CAMK1D: variants seen among roughly 807,000 people sequenced by gnomAD.
CAMK1D encodes calcium/calmodulin dependent protein kinase ID.
In CAMK1D, 9 loss-of-function variants were observed where a neutral mutation model predicts 47.7. The ratio of observed to expected loss-of-function variants is 0.19; its 90% CI spans 0.11 to 0.33. The LOEUF is 0.33. CAMK1D is among the 10% of genes least tolerant of loss of function. CAMK1D has a pLI of 1.00. For missense variants in CAMK1D, 291 were observed against 488.7 expected, an observed-to-expected ratio of 0.60 and a Z score of 3.81; for synonymous variants, 184 against 184.9, an observed-to-expected ratio of 0.99 and a Z score of 0.04.
intron 2 of CAMK1D, among the ~76,000 whole-genome samples, chr10:12,616,534 T>C (rs751632117): frequency 1.4e-5 from 2 of 145,134 alleles, no homozygotes; most frequent in Non-Finnish European, 3.1e-5. Flanking sequence ...GTTGTTGTTT[T>C]TGAGACGGAG....
At chr10:12,734,234 A>G (rs1407011058) in intron 3 of CAMK1D, among the ~76,000 whole-genome samples, 1 of 147,744 alleles carries the variant, frequency 6.8e-6, no homozygotes, top group Non-Finnish European at 1.5e-5. Context: ...AAACAGGAGA[A>G]TCGCTTGAAC....
At chr10:12,559,678 T>A (rs1588632255) in intron 2 of CAMK1D, among the ~76,000 whole-genome samples, 1 of 152,116 alleles carries the variant, frequency 6.6e-6, no homozygotes, top group Admixed American at 6.5e-5. Flanking sequence ...GAGTCCATCA[T>A]CCCATCATTG....
At chr10:12,476,067 G>T (rs940709286) in intron 1 of CAMK1D, among the ~76,000 whole-genome samples, 3 of 152,018 alleles carry the variant, frequency 2.0e-5, no homozygotes, top group African/African-American at 7.3e-5. Flanking sequence ...CCGAGGGGGG[G>T]CGGATCACGA....
intron 1 of CAMK1D, among the ~76,000 whole-genome samples, chr10:12,443,630 A>T (rs1001073503): frequency 4.1e-5 from 6 of 148,092 alleles, no homozygotes; most frequent in East Asian, 2.0e-4. Flanking sequence ...ATTTTATTTT[A>T]TTTTTTTTTT....
At chr10:12,732,412 C>A (rs1405602505) in intron 3 of CAMK1D, among the ~76,000 whole-genome samples, 1 of 152,060 alleles carries the variant, frequency 6.6e-6, no homozygotes, top group Non-Finnish European at 1.5e-5. Flanking sequence ...ATTATTAGTC[C>A]ATTTTCACGC....
chr10:12,792,151 T>C (rs1258665776), intron 6 of CAMK1D, among the ~76,000 whole-genome samples: 1 of 152,136 alleles, frequency 6.6e-6, no homozygotes, highest in Non-Finnish European at 1.5e-5. Flanking sequence ...AAAGAAATCA[T>C]AATGAGAAAA....
At chr10:12,562,396 C>G (rs1226558082) in intron 2 of CAMK1D, among the ~76,000 whole-genome samples, 1 of 152,216 alleles carries the variant, frequency 6.6e-6, no homozygotes, top group Non-Finnish European at 1.5e-5. Flanking sequence ...TGTTGGAGGA[C>G]ACGCTCAAAG....
chr10:12,553,428 G>A (rs1077745), intron 2 of CAMK1D, 72 bp downstream of exon 2: 243,683 of 1,316,888 alleles, frequency 0.19, 23,703 homozygotes, highest in Admixed American at 0.28. Context: ...GTCCTGCCCC[G>A]GAGGCAGACT....
At chr10:12,820,636 G>A (rs958165758) in intron 8 of CAMK1D, among the ~76,000 whole-genome samples, 3 of 152,168 alleles carry the variant, frequency 2.0e-5, no homozygotes, top group Admixed American at 1.3e-4. Context: ...GGCCACCGAG[G>A]GCGAGGGAGG....
intron 1 of CAMK1D, among the ~76,000 whole-genome samples, chr10:12,450,331 G>A (rs1833047796): frequency 6.6e-6 from 1 of 152,156 alleles, no homozygotes; most frequent in South Asian, 2.1e-4. Flanking sequence ...CTTCGTGTGG[G>A]GAATGAGGAG....
At chr10:12,687,183 C>G (rs1371502223) in intron 3 of CAMK1D, among the ~76,000 whole-genome samples, 1 of 151,910 alleles carries the variant, frequency 6.6e-6, no homozygotes, top group African/African-American at 2.4e-5. Flanking sequence ...CGTACTGAGC[C>G]CTTAATGACT....
chr10:12,521,842 T>C (rs1014950445), intron 1 of CAMK1D, among the ~76,000 whole-genome samples: 8 of 152,130 alleles, frequency 5.3e-5, no homozygotes, highest in Non-Finnish European at 1.0e-4. Context: ...GACAATCCTC[T>C]TTTTCATGGA....
intron 1 of CAMK1D, among the ~76,000 whole-genome samples, chr10:12,388,402 C>T (rs1838599593): frequency 6.6e-6 from 1 of 152,166 alleles, no homozygotes; most frequent in Non-Finnish European, 1.5e-5. Flanking sequence ...CAGCTTTTCC[C>T]CCAGACTCCA....
At chr10:12,558,724 C>T (rs939254485) in intron 2 of CAMK1D, among the ~76,000 whole-genome samples, 4 of 152,172 alleles carry the variant, frequency 2.6e-5, no homozygotes, top group African/African-American at 9.6e-5. Flanking sequence ...TGGAGCAGCC[C>T]ATTTACTAAT....
chr10:12,700,345 A>G (rs1311173373), intron 3 of CAMK1D, among the ~76,000 whole-genome samples: 1 of 152,094 alleles, frequency 6.6e-6, no homozygotes, highest in Admixed American at 6.6e-5. Context: ...TGGTGGGAGG[A>G]AGGAGAAGTG....
In CAMK1D at chr10:12,429,806, G is replaced by A. The variant is rs75378793; in HGVS notation, c.92+79896G>A. Among the ~76,000 whole-genome samples, 36 of 152,314 alleles carry A rather than the reference G, an allele frequency of 2.4e-4. No individual in the cohort carries two copies. In the East Asian group the frequency reaches 5.6e-3, roughly 24 times the overall value. ...GCCTGTGGGAGATGGGCCCAGGGAAGTTGCTGTGTGCAGCTGCACTCCACG... is the reference window on the plus strand; with the variant it reads ...GCCTGTGGGAGATGGGCCCAGGGAAATTGCTGTGTGCAGCTGCACTCCACG... On this transcript the variant is annotated intron_variant, in intron 1 of 10. Coordinates refer to ENST00000619168, the MANE Select transcript of CAMK1D (RefSeq NM_153498.4).
intron 3 of CAMK1D, among the ~76,000 whole-genome samples, chr10:12,734,405 T>TACAC (rs1227273818): frequency 4.3e-5 from 1 of 23,204 alleles, no homozygotes; most frequent in African/African-American, 1.1e-4. Context: ...TATATATATA[T>TACAC]ACACACACAC....
chr10:12,553,220 C>T lies in CAMK1D; in HGVS notation c.93-5C>T. 6.2e-7 allele frequency: 1 copy of T among 1,613,364 alleles called. No individual in the cohort carries two copies. Among genetic ancestry groups the T allele is most frequent in the Non-Finnish European group, 8.5e-7 (1 of 1,179,664 alleles). On this transcript the variant is annotated splice_region_variant and splice_polypyrimidine_tract_variant and intron_variant, in intron 1 of 10. Transcript: ENST00000619168. The stretch of plus-strand genomic sequence containing the variant: ...AAGTGTTCTTTTTTCCTTCTTTGTT[C>T]ACAGCGGGGCCTTTTCCGAAGTGGT...
chr10:12,645,538 C>T (rs1839788478), intron 2 of CAMK1D, among the ~76,000 whole-genome samples: 1 of 152,180 alleles, frequency 6.6e-6, no homozygotes, highest in African/African-American at 2.4e-5. Flanking sequence ...CTGCCGTTTG[C>T]CTGCTCTCCA....
Sources: gnomAD v4.1 joint callset for allele counts (sites outside exome capture counted in the v4.1 genomes callset) on GRCh38, gnomAD v4.1.1 for gene constraint, MANE v1.5 for transcripts, NCBI Gene and HGNC (gene_info 2026-07-23, HGNC 2026-07-21) for gene names.